COL14A1: variants seen among roughly 807,000 people sequenced by gnomAD.
The protein encoded by COL14A1 is collagen alpha-1(XIV) chain.
In COL14A1, 136 loss-of-function variants were observed where a neutral mutation model predicts 230.3. The ratio of observed to expected loss-of-function variants is 0.59; its 90% CI spans 0.51 to 0.68. The LOEUF is 0.68. COL14A1 is among the 30% of genes least tolerant of loss of function. The probability of loss-of-function intolerance (pLI) is 0.00; values close to 1 mark genes in which losing one functional copy is unlikely to be tolerated. For missense variants in COL14A1, 1,976 were observed against 2,215.8 expected, an observed-to-expected ratio of 0.89 and a Z score of 2.17; for synonymous variants, 792 against 784.1, an observed-to-expected ratio of 1.01 and a Z score of -0.17.
At chr8:120,237,369 T>C (rs1228684015) in intron 19 of COL14A1, among the ~76,000 whole-genome samples, 2 of 152,234 alleles carry the variant, frequency 1.3e-5, no homozygotes, top group African/African-American at 4.8e-5. Flanking sequence ...TGATCTTCAA[T>C]CTCTGATATC....
rs368660367 is a variant in COL14A1 at position 120,215,178 on chromosome 8, T to TG, written c.1598-1171dup. Among the ~76,000 whole-genome samples, 706 of 152,268 alleles carry TG rather than the reference T, an allele frequency of 4.6e-3. 8 individuals carry two copies. Among genetic ancestry groups the TG allele is most frequent in the African/African-American group, 0.016 (670 of 41,550 alleles). The stretch of plus-strand genomic sequence containing the variant: ...TGAGGTCAGGAGTTCAAGACCAGCC[T>TG]GGCCAACATGGTGAAACCCCCGTCT... On this transcript the variant is annotated intron_variant, in intron 13 of 47. Coordinates refer to ENST00000297848, the MANE Select transcript of COL14A1 (RefSeq NM_021110.4).
intron 1 of COL14A1, among the ~76,000 whole-genome samples, chr8:120,131,339 T>A (rs1319776504): frequency 6.6e-6 from 1 of 151,196 alleles, no homozygotes; most frequent in African/African-American, 2.4e-5. Flanking sequence ...ACCAACAGTG[T>A]ATAAGCATTT....
chr8:120,372,788 TCAAA>T lies in COL14A1; in HGVS notation c.*1561_*1564del, dbSNP rs1403646207. On this transcript the variant is annotated 3_prime_UTR_variant, in exon 48 of 48. Transcript: ENST00000297848. ...CATCTTCAGACTTCATCTGAAGGAT[TCAAA>T]CAATCTACTTGTGTGCCTTTGGTGG... 7.0e-6 allele frequency among the ~76,000 whole-genome samples: 1 copy of T among 141,936 alleles called. No homozygotes were observed. The highest frequency in any genetic ancestry group is 1.6e-5 in the Non-Finnish European group (1 of 64,360). 93.1% of individuals were successfully genotyped at this position (141,936 alleles called of 152,430 possible).
At chr8:120,218,719 G>C (rs902403570) in intron 14 of COL14A1, among the ~76,000 whole-genome samples, 1 of 152,176 alleles carries the variant, frequency 6.6e-6, no homozygotes, top group Non-Finnish European at 1.5e-5. Context: ...AACGGACAGT[G>C]AGTTTCAATG....
intron 4 of COL14A1, among the ~76,000 whole-genome samples, chr8:120,166,914 GTGTGTGTGGTGGTGATGA>G (rs1434783493): frequency 8.0e-5 from 12 of 149,246 alleles, no homozygotes; most frequent in African/African-American, 3.0e-4. Context: ...GTGTGTGTGT[GTGTGTGTGGTGGTGATGA>G]TGGTGGTGGT....
chr8:120,139,198 A>G (rs530046314), intron 1 of COL14A1, among the ~76,000 whole-genome samples: 56 of 152,312 alleles, frequency 3.7e-4, no homozygotes, highest in African/African-American at 1.3e-3. Flanking sequence ...CTCTTCTAAT[A>G]TATGAAAACT....
At chr8:120,244,115 A>T in intron 20 of COL14A1, 107 bp downstream of exon 20, 1 of 1,332,236 alleles carries the variant, frequency 7.5e-7, no homozygotes. Context: ...GAAGAAACTA[A>T]AAGATTTGGG....
intron 26 of COL14A1, 173 bp from the exon 27 acceptor site, chr8:120,277,938 A>T (rs1042089101): frequency 1.9e-6 from 1 of 539,416 alleles, no homozygotes; most frequent in Non-Finnish European, 3.1e-6. Flanking sequence ...GAAAAGATGT[A>T]TTTAATTTGT....
At chr8:120,315,092 AG>A (rs1821170110) in intron 38 of COL14A1, among the ~76,000 whole-genome samples, 1 of 152,206 alleles carries the variant, frequency 6.6e-6, no homozygotes, top group African/African-American at 2.4e-5. Flanking sequence ...TCTGTTGGCC[AG>A]GCGCAATGGC....
chr8:120,229,501 C>T (rs1197592443), intron 18 of COL14A1, among the ~76,000 whole-genome samples: 1 of 151,924 alleles, frequency 6.6e-6, no homozygotes, highest in Non-Finnish European at 1.5e-5. Context: ...TTTCTTAATC[C>T]AGTCTATCAT....
In COL14A1 at chr8:120,300,808, C is replaced by T. The variant is rs373077394; in HGVS notation, c.4391C>T (p.Ala1464Val). 72 of 1,612,810 alleles carry T rather than the reference C, an allele frequency of 4.5e-5. No individual in the cohort carries two copies. The highest frequency in any genetic ancestry group is 1.3e-4 in the Admixed American group (8 of 59,942). The change falls in exon 36 of 48, where the codon GCG becomes GTG. Residue 1464 changes from alanine (A) to valine (V), a missense_variant. Ala to Val is a moderately conservative substitution (Grantham distance 64). Transcript: ENST00000297848. Reference protein sequence around the residue: ...SETNEVALGPAGPPGGPGLRG... With the variant: ...SETNEVALGPVGPPGGPGLRG... The stretch of plus-strand genomic sequence containing the variant: ...ACCAATGAAGTGGCTCTGGGACCAG[C>T]GGGCCCACCAGTAAGTCTTGCTGAG...
chr8:120,238,201 G>T (rs1358114188), intron 19 of COL14A1, among the ~76,000 whole-genome samples: 1 of 152,100 alleles, frequency 6.6e-6, no homozygotes, highest in African/African-American at 2.4e-5. Context: ...CTGAAGCTGC[G>T]CCCACAGCCA....
intron 40 of COL14A1, among the ~76,000 whole-genome samples, chr8:120,320,885 T>C (rs973493969): frequency 1.3e-5 from 2 of 152,232 alleles, no homozygotes; most frequent in African/African-American, 4.8e-5. Context: ...AATTATGATG[T>C]TCTCTAGTCC....
chr8:120,176,020 T>C (rs1200983583), intron 5 of COL14A1, among the ~76,000 whole-genome samples: 9 of 152,354 alleles, frequency 5.9e-5, no homozygotes, highest in Non-Finnish European at 1.0e-4. Flanking sequence ...AGTTAAAATG[T>C]GTAAAATACC....
chr8:120,133,562 T>C (rs890843981), intron 1 of COL14A1, among the ~76,000 whole-genome samples: 10 of 152,306 alleles, frequency 6.6e-5, no homozygotes, highest in Admixed American at 3.9e-4. Flanking sequence ...ACTACTACAA[T>C]AATTTAACAT....
chr8:120,138,934 G>T (rs746952564), intron 1 of COL14A1, among the ~76,000 whole-genome samples: 1 of 152,156 alleles, frequency 6.6e-6, no homozygotes, highest in African/African-American at 2.4e-5. Context: ...TATATAAAAT[G>T]TGGAGTTGAG....
intron 19 of COL14A1, among the ~76,000 whole-genome samples, chr8:120,241,244 C>A (rs1003599780): frequency 2.0e-5 from 3 of 152,168 alleles, no homozygotes; most frequent in African/African-American, 7.2e-5. Context: ...TCGTATTTTA[C>A]AAATAAATTG....
At chr8:120,155,681 G>A (rs1443373584) in intron 2 of COL14A1, among the ~76,000 whole-genome samples, 1 of 152,034 alleles carries the variant, frequency 6.6e-6, no homozygotes, top group Non-Finnish European at 1.5e-5. Context: ...AAAAACTTGG[G>A]CGATGACATT....
At chr8:120,328,960 C>T (rs992165852) in intron 40 of COL14A1, among the ~76,000 whole-genome samples, 1 of 152,142 alleles carries the variant, frequency 6.6e-6, no homozygotes, top group Admixed American at 6.5e-5. Context: ...GCCACGGGTC[C>T]TCTGTGGGCT....
Sources: gnomAD v4.1 joint callset for allele counts (sites outside exome capture counted in the v4.1 genomes callset) on GRCh38, gnomAD v4.1.1 for gene constraint, MANE v1.5 for transcripts, NCBI Gene and HGNC (gene_info 2026-07-23, HGNC 2026-07-21) for gene names.